Variants in BMAL2 observed in about 807,000 individuals in gnomAD.
BMAL2 encodes basic helix-loop-helix ARNT-like protein 2.
the BMAL2 span, among the ~76,000 whole-genome samples, chr12:27,334,319 A>G: frequency 6.6e-6 from 1 of 152,224 alleles, no homozygotes; most frequent in Admixed American, 6.5e-5. Context: ...AAGTTCCCCC[A>G]TCTGTAAAAT....
the BMAL2 span, among the ~76,000 whole-genome samples, chr12:27,393,043 T>C: frequency 3.9e-5 from 6 of 152,092 alleles, no homozygotes; most frequent in Non-Finnish European, 8.8e-5. Flanking sequence ...CCCTGCCACT[T>C]CTCCCAGTTT....
chr12:27,425,035 A>C, the BMAL2 span: 1 of 152,102 alleles, frequency 6.6e-6, no homozygotes, highest in African/African-American at 2.4e-5. Context: ...ACTGACCTGG[A>C]AAGAAAACCT....
At chr12:27,350,349 G>A in the BMAL2 span, among the ~76,000 whole-genome samples, 45 of 152,334 alleles carry the variant, frequency 3.0e-4, no homozygotes, top group Admixed American at 2.6e-3. Flanking sequence ...GGTGATGCTT[G>A]TGGAAGGCTT....
At chr12:27,333,627 C>G in the BMAL2 span, among the ~76,000 whole-genome samples, 18 of 152,244 alleles carry the variant, frequency 1.2e-4, no homozygotes, top group Admixed American at 7.8e-4. Context: ...TGAACCGCTG[C>G]CCCGCGGTGG....
the BMAL2 span, among the ~76,000 whole-genome samples, chr12:27,360,788 G>C: frequency 1.9e-5 from 1 of 52,710 alleles, no homozygotes; most frequent in Non-Finnish European, 3.8e-5. Flanking sequence ...GGTTGGTTAT[G>C]TTAAGTGATT....
chr12:27,401,334 A>G, the BMAL2 span: 1 of 1,614,080 alleles, frequency 6.2e-7, no homozygotes, highest in Admixed American at 1.7e-5. Flanking sequence ...CAAGATGACC[A>G]CAATAATTTG....
chr12:27,345,557 C>T, the BMAL2 span, among the ~76,000 whole-genome samples: 1 of 152,176 alleles, frequency 6.6e-6, no homozygotes, highest in Non-Finnish European at 1.5e-5. Context: ...AGTATGATCA[C>T]GGTTCACTGC....
At chr12:27,406,201 T>C in the BMAL2 span, among the ~76,000 whole-genome samples, 1 of 152,132 alleles carries the variant, frequency 6.6e-6, no homozygotes, top group Admixed American at 6.5e-5. Context: ...TTCCCCAATC[T>C]AGCAAGGCAG....
chr12:27,385,446 A>G, the BMAL2 span: 39 of 1,437,270 alleles, frequency 2.7e-5, no homozygotes, highest in Middle Eastern at 6.9e-4. Context: ...CCTCTCTACT[A>G]TATTTCCAAT....
the BMAL2 span, among the ~76,000 whole-genome samples, chr12:27,338,813 C>T: frequency 6.6e-6 from 1 of 152,288 alleles, no homozygotes; most frequent in Non-Finnish European, 1.5e-5. Context: ...TGGCATATTT[C>T]TGATCAGTAA....
chr12:27,346,634 C>T, the BMAL2 span, among the ~76,000 whole-genome samples: 2 of 152,184 alleles, frequency 1.3e-5, no homozygotes, highest in African/African-American at 4.8e-5. Context: ...GGCTGTTGTC[C>T]ACCAATGCTG....
chr12:27,410,488 G>A, the BMAL2 span, among the ~76,000 whole-genome samples: 1 of 152,014 alleles, frequency 6.6e-6, no homozygotes, highest in Non-Finnish European at 1.5e-5. Flanking sequence ...AGCAAACTAT[G>A]GCAAGGACAA....
chr12:27,377,070 T>C, the BMAL2 span, among the ~76,000 whole-genome samples: 5 of 151,088 alleles, frequency 3.3e-5, no homozygotes, highest in Admixed American at 3.3e-4. Flanking sequence ...CAACATATTT[T>C]TTCAACAACA....
the BMAL2 span, among the ~76,000 whole-genome samples, chr12:27,375,318 C>T: frequency 8.6e-3 from 1,301 of 152,108 alleles, 18 homozygotes; most frequent in Middle Eastern, 0.031. Context: ...GTTGAAATAT[C>T]CAACAATAAC....
At chr12:27,372,668 A>T in the BMAL2 span, among the ~76,000 whole-genome samples, 5 of 151,332 alleles carry the variant, frequency 3.3e-5, no homozygotes, top group African/African-American at 4.8e-5. Context: ...ACTTATTATT[A>T]TTTTTTTTTA....
At chr12:27,336,813 G>A in the BMAL2 span, among the ~76,000 whole-genome samples, 2 of 151,764 alleles carry the variant, frequency 1.3e-5, no homozygotes, top group African/African-American at 2.4e-5. Flanking sequence ...TTAGTCCGGC[G>A]TTGGTGGTGC....
chr12:27,369,312 AT>A, the BMAL2 span, among the ~76,000 whole-genome samples: 1 of 151,260 alleles, frequency 6.6e-6, no homozygotes, highest in Non-Finnish European at 1.5e-5. Flanking sequence ...GGGGGGTGGT[AT>A]TCAGCTCTTT....
chr12:27,407,619 T>C, the BMAL2 span, among the ~76,000 whole-genome samples: 1 of 151,980 alleles, frequency 6.6e-6, no homozygotes, highest in East Asian at 1.9e-4. Flanking sequence ...TTTATAGCAC[T>C]AAATGCCCAC....
chr12:27,391,154 G>A, the BMAL2 span, among the ~76,000 whole-genome samples: 1,182 of 152,206 alleles, frequency 7.8e-3, 17 homozygotes, highest in African/African-American at 0.027. Flanking sequence ...AGTGAGCATA[G>A]TACCCAGTAG....
Sources: gnomAD v4.1 joint callset for allele counts (sites outside exome capture counted in the v4.1 genomes callset) on GRCh38, gnomAD v4.1.1 for gene constraint, MANE v1.5 for transcripts, NCBI Gene and HGNC (gene_info 2026-07-23, HGNC 2026-07-21) for gene names.